Variants in IMMP2L observed in about 807,000 individuals in gnomAD.
IMMP2L encodes the protein mitochondrial inner membrane protease subunit 2.
A neutral mutation model predicts 19.3 loss-of-function variants in IMMP2L; 18 were observed. That is an observed-to-expected ratio of 0.93 (90% CI 0.64 to 1.38). The LOEUF is 1.38. Ranked by LOEUF, IMMP2L falls within the 40% of genes most tolerant of loss-of-function variation. IMMP2L has a pLI of 0.00. For synonymous variants in IMMP2L, 76 were observed against 73.0 expected, an observed-to-expected ratio of 1.04 and a Z score of -0.21; for missense variants, 233 against 218.2, an observed-to-expected ratio of 1.07 and a Z score of -0.43.
intron 5 of IMMP2L, among the ~76,000 whole-genome samples, chr7:110,693,155 C>A (rs914024615): frequency 1.3e-5 from 2 of 152,110 alleles, no homozygotes; most frequent in Non-Finnish European, 2.9e-5. Context: ...GAATGAAAAT[C>A]AAGTACATCT....
At chr7:111,398,894 A>C (rs570261054) in intron 3 of IMMP2L, among the ~76,000 whole-genome samples, 1 of 152,038 alleles carries the variant, frequency 6.6e-6, no homozygotes, top group South Asian at 2.1e-4. Context: ...AAAAAAAAAA[A>C]AAAATACTTA....
At chr7:110,677,383 A>G (rs182207060) in intron 5 of IMMP2L, among the ~76,000 whole-genome samples, 6 of 152,210 alleles carry the variant, frequency 3.9e-5, no homozygotes, top group South Asian at 2.1e-4. Context: ...TTAAACATGT[A>G]TTAACATATC....
In IMMP2L at chr7:110,869,156, A is replaced by G. The variant is rs143114063; in HGVS notation, c.408+17437T>C. On this transcript the variant is annotated intron_variant, in intron 5 of 5. Coordinates refer to ENST00000405709, the MANE Select transcript of IMMP2L (RefSeq NM_032549.4). ...CAGGAAAATCAACCAGGTAGAATCA[A>G]TTTCAGGTGGGGCTATTGAAACTTT... Among the ~76,000 whole-genome samples the G allele has an allele frequency of 3.1e-4, 47 of 152,192 alleles. No homozygotes were observed. In the South Asian group the frequency reaches 9.3e-3, roughly 30 times the overall value.
chr7:111,146,617 A>G (rs535098175), intron 3 of IMMP2L, among the ~76,000 whole-genome samples: 74 of 152,234 alleles, frequency 4.9e-4, no homozygotes, highest in African/African-American at 1.8e-3. Context: ...ATCCTGCTCT[A>G]TCATCTAAAT....
chr7:110,740,925 T>TA (rs60479900), intron 5 of IMMP2L, among the ~76,000 whole-genome samples: 111 of 144,528 alleles, frequency 7.7e-4, no homozygotes, highest in African/African-American at 1.4e-3. Context: ...TACTGTATAT[T>TA]AAAAAAAAAA....
intron 3 of IMMP2L, among the ~76,000 whole-genome samples, chr7:110,999,197 T>C (rs1006200990): frequency 5.3e-5 from 8 of 152,068 alleles, no homozygotes; most frequent in African/African-American, 1.4e-4. Context: ...GTTCTAAAAA[T>C]TAAATATGTA....
chr7:110,720,817 T>A (rs868219756), intron 5 of IMMP2L, among the ~76,000 whole-genome samples: 83 of 152,246 alleles, frequency 5.5e-4, no homozygotes, highest in African/African-American at 1.9e-3. Flanking sequence ...CACTTTGGGA[T>A]TCTTGCCAAC....
chr7:110,767,289 G>C (rs1328503091), intron 5 of IMMP2L, among the ~76,000 whole-genome samples: 5 of 152,160 alleles, frequency 3.3e-5, no homozygotes, highest in African/African-American at 4.8e-5. Context: ...GAACCAGAAA[G>C]AGATTTCATG....
In IMMP2L at chr7:110,668,956, C is replaced by T. The variant is rs375383360; in HGVS notation, c.409-5235G>A. Among the ~76,000 whole-genome samples the T allele has an allele frequency of 4.6e-3, 698 of 150,270 alleles. 4 individuals are homozygous for T. The highest frequency in any genetic ancestry group is 0.024 in the Middle Eastern group (7 of 290). On this transcript the variant is annotated intron_variant, in intron 5 of 5. Transcript: ENST00000405709. ...GAACTTTGTAAAAATTAAAAATTAT[C>T]CTTCAGGTACAGTTTTGACTTGCAT...
At chr7:111,509,353 TG>T (rs1845235140) in intron 2 of IMMP2L, among the ~76,000 whole-genome samples, 1 of 152,178 alleles carries the variant, frequency 6.6e-6, no homozygotes, top group South Asian at 2.1e-4. Flanking sequence ...GGACAGACTA[TG>T]GGGCTCCTTA....
At chr7:111,324,823 AC>A (rs2130562814) in intron 3 of IMMP2L, among the ~76,000 whole-genome samples, 1 of 152,062 alleles carries the variant, frequency 6.6e-6, no homozygotes, top group East Asian at 1.9e-4. Flanking sequence ...CAAAGTGCAA[AC>A]AATAACACAC....
intron 3 of IMMP2L, among the ~76,000 whole-genome samples, chr7:111,343,293 T>C (rs10224798): frequency 0.025 from 3,828 of 152,154 alleles, 202 homozygotes; most frequent in African/African-American, 0.087. Context: ...TATTATAACA[T>C]GCCCTGCTCA....
intron 3 of IMMP2L, among the ~76,000 whole-genome samples, chr7:111,173,368 A>G (rs1051544084): frequency 6.6e-6 from 1 of 151,622 alleles, no homozygotes; most frequent in Non-Finnish European, 1.5e-5. Flanking sequence ...ACAATACACA[A>G]TTTTAATCAC....
At chr7:111,516,254 T>C (rs980563951) in intron 2 of IMMP2L, among the ~76,000 whole-genome samples, 1 of 151,892 alleles carries the variant, frequency 6.6e-6, no homozygotes, top group African/African-American at 2.4e-5. Flanking sequence ...TGTACAAGAG[T>C]ATCAAGAATT....
At chr7:111,182,064 A>T (rs1224951244) in intron 3 of IMMP2L, among the ~76,000 whole-genome samples, 1 of 152,020 alleles carries the variant, frequency 6.6e-6, no homozygotes, top group Non-Finnish European at 1.5e-5. Context: ...TTTTAAAATG[A>T]TCTTTCCTAA....
rs371793333 is a variant in IMMP2L, at chr7:110,666,408, G to A, written c.409-2687C>T. ...TCCTGCCTCAGCCTCCTGAGTAGCT[G>A]GGACTACAGGCGCCCGCCACCATGC... is the stretch of plus-strand genomic sequence containing the variant. On this transcript the variant is annotated intron_variant, in intron 5 of 5. Transcript: ENST00000405709. Among the ~76,000 whole-genome samples, 33 of 152,166 alleles carry A rather than the reference G, an allele frequency of 2.2e-4. 1 individual carries two copies. In the East Asian group the frequency reaches 3.9e-3, roughly 18 times the overall value.
At chr7:110,900,247 T>C (rs1811722670) in intron 4 of IMMP2L, among the ~76,000 whole-genome samples, 3 of 152,188 alleles carry the variant, frequency 2.0e-5, no homozygotes, top group Admixed American at 2.0e-4. Context: ...TACATCCCCT[T>C]GACACCCTGC....
intron 3 of IMMP2L, among the ~76,000 whole-genome samples, chr7:111,312,160 A>C (rs1333836601): frequency 6.6e-6 from 1 of 152,098 alleles, no homozygotes; most frequent in Non-Finnish European, 1.5e-5. Flanking sequence ...CAGACTCTTC[A>C]AGAAGAGGGA....
intron 3 of IMMP2L, among the ~76,000 whole-genome samples, chr7:111,072,307 T>C (rs1214694663): frequency 6.6e-6 from 1 of 152,188 alleles, no homozygotes; most frequent in African/African-American, 2.4e-5. Flanking sequence ...ATATAATATG[T>C]ATACAAAATA....
Sources: allele counts gnomAD v4.1 joint callset (sites outside exome capture counted in the v4.1 genomes callset), GRCh38; gene constraint gnomAD v4.1.1; transcripts MANE v1.5; gene names NCBI Gene and HGNC (gene_info 2026-07-23, HGNC 2026-07-21).